COMMD1: variants seen among roughly 807,000 people sequenced by gnomAD.
COMMD1 encodes the protein copper metabolism domain containing 1.
A neutral mutation model predicts 17.2 loss-of-function variants in COMMD1; 10 were observed. That is an observed-to-expected ratio of 0.58 (90% confidence interval 0.36 to 0.99). The LOEUF (loss-of-function observed/expected upper bound fraction) is 0.99. COMMD1 is among the 50% of genes least tolerant of loss of function. The pLI is 0.01. For synonymous variants in COMMD1, 97 were observed against 91.6 expected, an observed-to-expected ratio of 1.06 and a Z score of -0.34; for missense variants, 270 against 231.8, an observed-to-expected ratio of 1.17 and a Z score of -1.07.
At chr2:62,105,039 C>T (rs1482284054) in intron 2 of COMMD1, among the ~76,000 whole-genome samples, 5 of 151,266 alleles carry the variant, frequency 3.3e-5, no homozygotes, top group African/African-American at 9.7e-5. Context: ...GCAGGAGAAT[C>T]GCTTGAACCT....
Position 62,042,925 on chromosome 2 carries a change from C to A in COMMD1, c.462+41943C>A, listed in dbSNP as rs141398598. Reference sequence around the variant, plus strand: ...AGGTATTTACAAGAAATTGAAATAACGTCTTTTATTTTTAAGGCCAAACAA... The same window carrying A: ...AGGTATTTACAAGAAATTGAAATAAAGTCTTTTATTTTTAAGGCCAAACAA... On this transcript the variant is annotated intron_variant, in intron 2 of 2. Transcript: ENST00000311832. Among the ~76,000 whole-genome samples, 1,100 of 152,282 alleles carry A rather than the reference C, an allele frequency of 7.2e-3. 10 individuals are homozygous for A. The highest frequency in any genetic ancestry group is 0.025 in the African/African-American group (1,034 of 41,560).
At chr2:61,920,521 A>G (rs75436786) in intron 1 of COMMD1, among the ~76,000 whole-genome samples, 23 of 152,154 alleles carry the variant, frequency 1.5e-4, no homozygotes, top group African/African-American at 5.5e-4. Context: ...TTTCCCCATG[A>G]AGTTAAAGGC....
rs139740964 is a variant in COMMD1, at chr2:62,131,206, G to A, written c.463-4625G>A. ...GTAATTTGGAATGGCTATTTAAACC[G>A]TTGAGTTTAATACACTGCTGTACTC... On this transcript the variant is annotated intron_variant, in intron 2 of 2. Transcript: ENST00000311832. Among the ~76,000 whole-genome samples, 314 of 152,268 alleles carry A rather than the reference G, an allele frequency of 2.1e-3. 3 individuals are homozygous for A. In the East Asian group the frequency reaches 0.021, roughly 10 times the overall value.
At chr2:62,081,361 C>T (rs1019509337) in intron 2 of COMMD1, among the ~76,000 whole-genome samples, 2 of 151,710 alleles carry the variant, frequency 1.3e-5, no homozygotes, top group African/African-American at 4.8e-5. Flanking sequence ...AAGCAATTCT[C>T]CTGCCTCAGC....
chr2:61,943,936 C>T (rs182330508), intron 1 of COMMD1, among the ~76,000 whole-genome samples: 2 of 152,314 alleles, frequency 1.3e-5, no homozygotes, highest in African/African-American at 4.8e-5. Flanking sequence ...CCCTGTAGGG[C>T]TGCTACACGT....
At chr2:61,941,622 A>G (rs968709301) in intron 1 of COMMD1, among the ~76,000 whole-genome samples, 2 of 152,206 alleles carry the variant, frequency 1.3e-5, no homozygotes, top group Non-Finnish European at 2.9e-5. Flanking sequence ...CAAACCTTAC[A>G]GTGGCATTTA....
At chr2:62,098,536 T>C (rs1672081519) in intron 2 of COMMD1, among the ~76,000 whole-genome samples, 1 of 152,226 alleles carries the variant, frequency 6.6e-6, no homozygotes, top group African/African-American at 2.4e-5. Flanking sequence ...GGTTGCTAAC[T>C]CCTTATCTAA....
At chr2:62,062,871 ACCAG>A (rs1311961618) in intron 2 of COMMD1, among the ~76,000 whole-genome samples, 1 of 151,894 alleles carries the variant, frequency 6.6e-6, no homozygotes, top group Non-Finnish European at 1.5e-5. Context: ...GGAGTTCGTG[ACCAG>A]CCTGGGCAAC....
In COMMD1 at chr2:61,905,720, G is replaced by C; in HGVS notation, c.42G>C (p.Gly14=). ...TTGAGGGTGGCAAACCCCTGAGCGG[G>C]CTGCTGAATGCGCTGGCCCAGGACA... ...GELEGGKPLS[G]LLNALAQDTF... Residue 14 remains glycine, a synonymous_variant, in exon 1 of 3, where the codon GGG becomes GGC. Transcript: ENST00000311832. The C allele has an allele frequency of 6.2e-7, 1 of 1,607,378 alleles. No individual in the cohort carries two copies. The highest frequency in any genetic ancestry group is 8.5e-7 in the Non-Finnish European group (1 of 1,176,550).
intron 1 of COMMD1, among the ~76,000 whole-genome samples, chr2:61,986,604 T>C (rs1211621644): frequency 6.8e-6 from 1 of 147,560 alleles, no homozygotes; most frequent in Non-Finnish European, 1.5e-5. Context: ...AGTCTTGCTC[T>C]GCTGCCCAGG....
At chr2:61,928,177 T>G (rs1670376782) in intron 1 of COMMD1, among the ~76,000 whole-genome samples, 1 of 152,050 alleles carries the variant, frequency 6.6e-6, no homozygotes, top group African/African-American at 2.4e-5. Flanking sequence ...TATTTATTTA[T>G]TTTGAGACAG....
At chr2:62,024,555 G>T (rs1669702404) in intron 2 of COMMD1, among the ~76,000 whole-genome samples, 2 of 152,222 alleles carry the variant, frequency 1.3e-5, no homozygotes, top group African/African-American at 4.8e-5. Flanking sequence ...AGTTGTTTAT[G>T]AATATCTCCA....
chr2:62,117,844 G>A (rs555100875), intron 2 of COMMD1, among the ~76,000 whole-genome samples: 5 of 151,858 alleles, frequency 3.3e-5, no homozygotes, highest in Admixed American at 6.6e-5. Context: ...CATTTTTTAG[G>A]CATTTCGTTT....
rs540643477 is a variant in COMMD1 at position 61,893,263 on chromosome 2, G to A, written n.119+4421G>A. 5.3e-5 allele frequency among the ~76,000 whole-genome samples: 8 copies of A among 151,964 alleles called. 1 individual carries two copies. Among genetic ancestry groups the A allele is most frequent in the Admixed American group, 2.6e-4 (4 of 15,274 alleles). ...TGATTTTCCTAATTTTCCTAGAAAG[G>A]TTTCTAGTTAACATTTTTGTTACTT... On this transcript the variant is annotated intron_variant and non_coding_transcript_variant, in intron 1 of 2. Transcript: ENST00000472729.
chr2:61,927,880 T>C (rs958914710), intron 1 of COMMD1, among the ~76,000 whole-genome samples: 3 of 152,120 alleles, frequency 2.0e-5, no homozygotes, highest in African/African-American at 7.2e-5. Context: ...TTTACCTGTC[T>C]CCGCCTCTCG....
chr2:61,951,684 G>A (rs1032266968), intron 1 of COMMD1, among the ~76,000 whole-genome samples: 1 of 152,054 alleles, frequency 6.6e-6, no homozygotes, highest in Non-Finnish European at 1.5e-5. Flanking sequence ...TTGATAAAGG[G>A]ACATATGAAT....
chr2:61,951,642 A>G (rs953614310), intron 1 of COMMD1, among the ~76,000 whole-genome samples: 3 of 152,198 alleles, frequency 2.0e-5, no homozygotes, highest in South Asian at 2.1e-4. Flanking sequence ...TAATGGGGAT[A>G]TAGTAAACTG....
intron 2 of COMMD1, among the ~76,000 whole-genome samples, chr2:62,098,738 G>A (rs1433217594): frequency 2.0e-5 from 3 of 152,154 alleles, no homozygotes; most frequent in Admixed American, 6.5e-5. Context: ...TCACAGAGGC[G>A]ATTGCAGAGC....
At position 62,081,721 on chromosome 2, in the gene COMMD1, T is replaced by G. The variant is rs114117559; in HGVS notation, c.463-54110T>G. 1.6e-3 allele frequency among the ~76,000 whole-genome samples: 245 copies of G among 152,346 alleles called. 2 individuals carry two copies. The highest frequency in any genetic ancestry group is 4.6e-3 in the African/African-American group (193 of 41,576). On this transcript the variant is annotated intron_variant, in intron 2 of 2. Coordinates refer to ENST00000311832, the MANE Select transcript of COMMD1 (RefSeq NM_152516.4). ...TTCTCTCGGATGATTTATGATTTCCTTATCGATTTATAAAAGCTTTTTGAA... is the reference window on the plus strand; with the variant it reads ...TTCTCTCGGATGATTTATGATTTCCGTATCGATTTATAAAAGCTTTTTGAA...
Sources: allele counts gnomAD v4.1 joint callset (sites outside exome capture counted in the v4.1 genomes callset), GRCh38; gene constraint gnomAD v4.1.1; transcripts MANE v1.5; gene names NCBI Gene and HGNC (gene_info 2026-07-23, HGNC 2026-07-21).